Variants in STPG2 observed in about 807,000 individuals in gnomAD.
STPG2 encodes the protein sperm tail PG-rich repeat containing 2.
A neutral mutation model predicts 54.2 loss-of-function variants in STPG2; 56 were observed. The observed-to-expected ratio is 1.03, with a 90% CI of 0.83 to 1.29. STPG2 has a LOEUF of 1.29. Ranked by LOEUF, STPG2 falls within the 50% of genes most tolerant of loss-of-function variation. The pLI is 0.00. For missense variants in STPG2, 596 were observed against 544.9 expected (o/e 1.09, Z -0.93); for synonymous variants, 200 against 181.8 (o/e 1.10, Z -0.81).
chr4:97,836,116 A>G (rs1728623404), intron 9 of STPG2, among the ~76,000 whole-genome samples: 1 of 152,032 alleles, frequency 6.6e-6, no homozygotes, highest in Non-Finnish European at 1.5e-5. Context: ...GTTAGGGAGG[A>G]TTAACCCCAT....
At chr4:97,515,175 T>C (rs1422517891) in intron 4 of STPG2, among the ~76,000 whole-genome samples, 1 of 152,120 alleles carries the variant, frequency 6.6e-6, no homozygotes, top group African/African-American at 2.4e-5. Flanking sequence ...ACCTTACTTA[T>C]AAGAATTTGC....
At chr4:97,839,329 C>T (rs940704630) in intron 9 of STPG2, among the ~76,000 whole-genome samples, 1 of 151,572 alleles carries the variant, frequency 6.6e-6, no homozygotes, top group Admixed American at 6.6e-5. Context: ...ATGCTAAATA[C>T]TGAAGCAATG....
intron 5 of STPG2, among the ~76,000 whole-genome samples, chr4:98,044,283 A>G (rs1166340634): frequency 1.3e-5 from 2 of 152,064 alleles, no homozygotes; most frequent in Non-Finnish European, 2.9e-5. Flanking sequence ...CAAGTTTCAT[A>G]CTTTCCTACA....
At chr4:97,844,199 C>T (rs764819612) in intron 8 of STPG2, among the ~76,000 whole-genome samples, 11 of 151,862 alleles carry the variant, frequency 7.2e-5, no homozygotes, top group Non-Finnish European at 1.5e-4. Context: ...ACATGTGAAA[C>T]TGCATGTAGG....
intron 3 of STPG2, among the ~76,000 whole-genome samples, chr4:98,118,687 G>C (rs1489973873): frequency 6.6e-6 from 1 of 152,106 alleles, no homozygotes. Flanking sequence ...TGGAAGTAGG[G>C]CTCCTTAAAG....
intron 9 of STPG2, among the ~76,000 whole-genome samples, chr4:97,736,279 G>A (rs375039298): frequency 1.9e-4 from 29 of 152,326 alleles, no homozygotes; most frequent in Admixed American, 1.1e-3. Flanking sequence ...CAGTGTGAGC[G>A]ACGCAGAAGA....
chr4:97,475,341 T>C (rs1363799474), intron 4 of STPG2, among the ~76,000 whole-genome samples: 1 of 151,692 alleles, frequency 6.6e-6, no homozygotes, highest in Non-Finnish European at 1.5e-5. Flanking sequence ...TCCAAATGAA[T>C]TGCATATTTG....
intron 8 of STPG2, among the ~76,000 whole-genome samples, chr4:97,904,354 C>T (rs549603810): frequency 8.5e-5 from 13 of 152,306 alleles, no homozygotes; most frequent in South Asian, 2.1e-4. Flanking sequence ...ACACCTCACA[C>T]GGCTGGCCAG....
intron 8 of STPG2, among the ~76,000 whole-genome samples, chr4:97,848,012 T>C (rs2149127775): frequency 6.6e-6 from 1 of 152,252 alleles, no homozygotes; most frequent in Admixed American, 6.5e-5. Flanking sequence ...CCCCAACCAT[T>C]TGCATGCTAG....
chr4:97,803,816 C>T (rs1420560081), intron 9 of STPG2, among the ~76,000 whole-genome samples: 2 of 152,224 alleles, frequency 1.3e-5, no homozygotes, highest in East Asian at 3.9e-4. Flanking sequence ...GCTGCAATTA[C>T]AGGCGTGAGC....
chr4:97,832,364 C>G (rs1728495097), intron 9 of STPG2, among the ~76,000 whole-genome samples: 1 of 152,160 alleles, frequency 6.6e-6, no homozygotes, highest in Non-Finnish European at 1.5e-5. Context: ...TGGAACGCAT[C>G]TCAAAATTAT....
chr4:97,730,092 C>A (rs950282596), intron 9 of STPG2, among the ~76,000 whole-genome samples: 1 of 152,034 alleles, frequency 6.6e-6, no homozygotes. Context: ...TGTGACTGAA[C>A]CCATAACTCA....
At chr4:97,561,487 A>G (rs1732240766) in intron 10 of STPG2, among the ~76,000 whole-genome samples, 1 of 152,140 alleles carries the variant, frequency 6.6e-6, no homozygotes, top group Non-Finnish European at 1.5e-5. Flanking sequence ...TTTTGTTGCC[A>G]CTGCTTTTGG....
At chr4:97,775,857 G>T (rs1190067322) in intron 9 of STPG2, among the ~76,000 whole-genome samples, 1 of 152,068 alleles carries the variant, frequency 6.6e-6, no homozygotes, top group African/African-American at 2.4e-5. Flanking sequence ...TGCCTCCCAG[G>T]TTCCAGTGAT....
At chr4:97,775,124 A>G (rs1441168053) in intron 9 of STPG2, among the ~76,000 whole-genome samples, 1 of 152,248 alleles carries the variant, frequency 6.6e-6, no homozygotes, top group Non-Finnish European at 1.5e-5. Context: ...AAAAGGGCGC[A>G]TAAATAGAAA....
At chr4:97,814,276 T>C (rs560150259) in intron 9 of STPG2, among the ~76,000 whole-genome samples, 31 of 152,336 alleles carry the variant, frequency 2.0e-4, no homozygotes, top group South Asian at 6.2e-4. Context: ...GTTATTCTGG[T>C]AGCCATTATG....
intron 8 of STPG2, among the ~76,000 whole-genome samples, chr4:97,903,792 G>A (rs1012460790): frequency 5.9e-5 from 9 of 152,216 alleles, no homozygotes; most frequent in Admixed American, 5.2e-4. Flanking sequence ...CTCGGGAAGC[G>A]CAAGGGGTCA....
At chr4:97,700,536 C>A (rs1453464065) in intron 10 of STPG2, among the ~76,000 whole-genome samples, 5 of 152,166 alleles carry the variant, frequency 3.3e-5, no homozygotes, top group African/African-American at 1.2e-4. Flanking sequence ...GGGAGAAAGT[C>A]CCTGAATTTT....
intron 9 of STPG2, among the ~76,000 whole-genome samples, chr4:97,836,862 T>G (rs1560547325): frequency 6.7e-6 from 1 of 149,032 alleles, no homozygotes; most frequent in Non-Finnish European, 1.5e-5. Context: ...TAAATGATAA[T>G]TAATAACAAT....
Sources: gnomAD v4.1 joint callset for allele counts (sites outside exome capture counted in the v4.1 genomes callset) on GRCh38, gnomAD v4.1.1 for gene constraint, MANE v1.5 for transcripts, NCBI Gene and HGNC (gene_info 2026-07-23, HGNC 2026-07-21) for gene names.